MYO16: variants seen among roughly 807,000 people sequenced by gnomAD.
MYO16 encodes the protein myosin XVI.
A neutral mutation model predicts 205.3 loss-of-function variants in MYO16; 94 were observed. The observed-to-expected ratio is 0.46, with a 90% CI of 0.39 to 0.54. MYO16 has a LOEUF of 0.54. Ranked by LOEUF, MYO16 falls within the 20% of genes least tolerant of loss-of-function variation. MYO16 has a pLI of 0.00. For missense variants in MYO16, 2,315 were observed against 2,387.5 expected, an observed-to-expected ratio of 0.97 and a Z score of 0.63; for synonymous variants, 988 against 954.0, an observed-to-expected ratio of 1.04 and a Z score of -0.66.
intron 1 of MYO16, among the ~76,000 whole-genome samples, chr13:108,650,220 CACAT>C (rs1234163153): frequency 3.3e-5 from 5 of 151,888 alleles, no homozygotes; most frequent in African/African-American, 1.2e-4. Flanking sequence ...TTAAGTTACA[CACAT>C]ACATACATAC....
At chr13:108,673,809 G>T (rs1566542712) in intron 2 of MYO16, among the ~76,000 whole-genome samples, 1 of 152,020 alleles carries the variant, frequency 6.6e-6, no homozygotes, top group Non-Finnish European at 1.5e-5. Flanking sequence ...TTTATTAATT[G>T]TCGTGTTCAA....
chr13:108,571,301 GA>G, the MYO16 span, among the ~76,000 whole-genome samples: 558 of 126,904 alleles, frequency 4.4e-3, no homozygotes, highest in Admixed American at 5.2e-3. Context: ...GCCCTGGGAT[GA>G]AAAAAAAAAA....
chr13:108,650,385 C>T (rs911194051), intron 1 of MYO16, among the ~76,000 whole-genome samples: 5 of 152,202 alleles, frequency 3.3e-5, no homozygotes, highest in Non-Finnish European at 7.3e-5. Context: ...ATGGAGCCAG[C>T]AAGGGCTTCT....
intron 11 of MYO16, among the ~76,000 whole-genome samples, chr13:108,863,340 A>G (rs1321071572): frequency 1.3e-5 from 2 of 152,144 alleles, no homozygotes; most frequent in African/African-American, 2.4e-5. Context: ...AGGTATCATT[A>G]CTTTTCATTA....
upstream of MYO16, among the ~76,000 whole-genome samples, chr13:108,627,469 C>T (rs1879787346): frequency 1.3e-5 from 2 of 152,166 alleles, no homozygotes; most frequent in Non-Finnish European, 2.9e-5. Context: ...CAACACTGTG[C>T]TATCTTGATT....
intron 2 of MYO16, among the ~76,000 whole-genome samples, chr13:108,699,826 A>G (rs573527143): frequency 6.6e-6 from 1 of 152,268 alleles, no homozygotes; most frequent in East Asian, 1.9e-4. Flanking sequence ...AATTATTACT[A>G]TCAATCTAAT....
chr13:108,645,423 T>A (rs1880708367), intron 1 of MYO16, among the ~76,000 whole-genome samples: 2 of 152,174 alleles, frequency 1.3e-5, no homozygotes. Flanking sequence ...AAGTTTGGTA[T>A]GTACGCTGTC....
intron 16 of MYO16, among the ~76,000 whole-genome samples, chr13:108,957,314 G>A (rs905709767): frequency 4.6e-5 from 7 of 150,900 alleles, no homozygotes; most frequent in African/African-American, 1.5e-4. Context: ...AACCTGGGAG[G>A]TGGAGGTTGC....
At chr13:108,946,766 T>C (rs572058607) in intron 16 of MYO16, among the ~76,000 whole-genome samples, 4 of 151,884 alleles carry the variant, frequency 2.6e-5, no homozygotes, top group East Asian at 1.9e-4. Flanking sequence ...TATTGAGATA[T>C]AGTCTCGCTC....
In MYO16 at chr13:109,127,219, T is replaced by C; in HGVS notation, c.3783-63T>C. 6.7e-7 allele frequency: 1 copy of C among 1,501,272 alleles called. No homozygotes were observed. Among genetic ancestry groups the C allele is most frequent in the Non-Finnish European group, 8.9e-7 (1 of 1,123,782 alleles). The allele number at this position is 1,501,272 out of a possible 1,614,324, so 93.0% of individuals were successfully genotyped here. On this transcript the variant is annotated intron_variant, in intron 30 of 34. Coordinates refer to ENST00000457511, the MANE Select transcript of MYO16 (RefSeq NM_001198950.3). This position sits in a 1 kb window ranked among gnomAD's most constrained non-coding sequence, Gnocchi z 4.2. The stretch of plus-strand genomic sequence containing the variant: ...ATGTCTGCTTGAGCAGGTTCCTTGT[T>C]ACCGGAATAATGCATCTGGGCCTCT...
chr13:108,686,499 C>A (rs533004198), intron 2 of MYO16, among the ~76,000 whole-genome samples: 1 of 152,340 alleles, frequency 6.6e-6, no homozygotes, highest in African/African-American at 2.4e-5. Flanking sequence ...GCGAAGGAAG[C>A]TGTGATGACA....
Position 108,806,820 on chromosome 13 carries a change from G to A in MYO16, c.867+16G>A. The A allele has an allele frequency of 1.4e-6, 2 of 1,460,870 alleles. No individual in the cohort carries two copies. Among genetic ancestry groups the A allele is most frequent in the Non-Finnish European group, 1.8e-6 (2 of 1,099,160 alleles). 90.5% of individuals were successfully genotyped at this position (1,460,870 alleles called of 1,614,324 possible). ...ATATGGCCAGGTAGAGTGATTTGCT[G>A]AATTCTTTAAAAAATAATTTTATAT... On this transcript the variant is annotated intron_variant, in intron 7 of 34. Coordinates refer to ENST00000457511, the MANE Select transcript of MYO16 (RefSeq NM_001198950.3).
intron 4 of MYO16, among the ~76,000 whole-genome samples, chr13:108,768,755 G>A (rs906203171): frequency 1.3e-4 from 20 of 152,054 alleles, no homozygotes; most frequent in East Asian, 3.9e-4. Context: ...AATTATATTC[G>A]TCTTATGGTT....
In MYO16 at chr13:109,055,093, A is replaced by G. The variant is rs1276323635; in HGVS notation, c.3096A>G (p.Arg1032=). The change falls in exon 26 of 35, where the codon CGA becomes CGG. Residue 1032 remains arginine (R), a synonymous_variant. Transcript: ENST00000457511. This position sits in a 1 kb window ranked among gnomAD's most constrained non-coding sequence, Gnocchi z 5.0. ...GTSTFLQRLE[R]GDPVTIASQL... is the part of the protein sequence containing the mutation. ...CTACATTTCTTCAAAGATTGGAACG[A>G]GGAGATCCAGTCACCATAGCATCAC... is the stretch of plus-strand genomic sequence containing the variant. 1 of 1,588,136 alleles carries G rather than the reference A, an allele frequency of 6.3e-7. No individual in the cohort carries two copies. The highest frequency in any genetic ancestry group is 8.5e-7 in the Non-Finnish European group (1 of 1,170,746).
At chr13:108,826,211 TG>T (rs1876254557) in intron 9 of MYO16, among the ~76,000 whole-genome samples, 1 of 152,138 alleles carries the variant, frequency 6.6e-6, no homozygotes, top group South Asian at 2.1e-4. Flanking sequence ...ATTGTGATAC[TG>T]GCATAGGATG....
chr13:108,626,122 T>C (rs1879725427), upstream of MYO16, among the ~76,000 whole-genome samples: 1 of 152,134 alleles, frequency 6.6e-6, no homozygotes, highest in Non-Finnish European at 1.5e-5. Context: ...TTTAGCCTTA[T>C]TTGAAAAAAT....
At chr13:108,975,201 T>A (rs76303103) in intron 20 of MYO16, among the ~76,000 whole-genome samples, 4 of 151,830 alleles carry the variant, frequency 2.6e-5, no homozygotes, top group Non-Finnish European at 4.4e-5. Flanking sequence ...TTTTTTTTTT[T>A]ATTAAAAAGG....
intron 12 of MYO16, among the ~76,000 whole-genome samples, chr13:108,868,131 T>G (rs995468534): frequency 1.3e-5 from 2 of 152,230 alleles, no homozygotes; most frequent in Admixed American, 1.3e-4. Flanking sequence ...CTCACAATTT[T>G]TTTTTGATAA....
rs563329355 is a variant in MYO16, at chr13:108,882,870, T to C, written c.1426-189T>C. The stretch of plus-strand genomic sequence containing the variant: ...AAGGATAAAGTATAAGCCTCCATTT[T>C]GTCATTATGCATGCTGAAAATGTGC... On this transcript the variant is annotated intron_variant, in intron 12 of 34. Transcript: ENST00000457511. Among the ~76,000 whole-genome samples the C allele has an allele frequency of 5.9e-5, 9 of 152,356 alleles. No individual in the cohort carries two copies. The South Asian group carries it at 1.9e-3, about 32-fold the overall frequency.
Sources: allele counts gnomAD v4.1 joint callset (sites outside exome capture counted in the v4.1 genomes callset), GRCh38; gene constraint gnomAD v4.1.1; non-coding constraint Gnocchi (gnomAD v3.1); transcripts MANE v1.5; gene names NCBI Gene and HGNC (gene_info 2026-07-23, HGNC 2026-07-21).